Variants in DRC11 observed in about 807,000 individuals in gnomAD.
The protein encoded by DRC11 is dynein regulatory complex subunit 11.
the DRC11 span, among the ~76,000 whole-genome samples, chr2:236,361,031 G>A: frequency 2.0e-5 from 3 of 152,150 alleles, no homozygotes; most frequent in Admixed American, 2.0e-4. This position sits in a 1 kb window ranked among gnomAD's most constrained non-coding sequence, Gnocchi z 5.7. Context: ...GTGACACATG[G>A]TCAAGGGAAA....
the DRC11 span, chr2:236,324,477 T>C: frequency 2.2e-6 from 1 of 455,346 alleles, no homozygotes; most frequent in Non-Finnish European, 4.0e-6. This position sits in a 1 kb window ranked among gnomAD's most constrained non-coding sequence, Gnocchi z 5.7. Context: ...GTGTCCAGCC[T>C]GGGAAAGGCA....
the DRC11 span, among the ~76,000 whole-genome samples, chr2:236,451,843 C>T: frequency 2.0e-5 from 3 of 152,146 alleles, no homozygotes; most frequent in Admixed American, 6.5e-5. Flanking sequence ...GGCAAATCAT[C>T]GTATCACAGT....
the DRC11 span, among the ~76,000 whole-genome samples, chr2:236,335,612 C>G: frequency 6.6e-6 from 1 of 152,180 alleles, no homozygotes; most frequent in African/African-American, 2.4e-5. The surrounding 1 kb of genome is among the most constrained non-coding windows in gnomAD (Gnocchi z 5.6). Flanking sequence ...GACCATCCAT[C>G]AATAGCTTCA....
At chr2:236,368,397 T>A in the DRC11 span, 1 of 664,526 alleles carries the variant, frequency 1.5e-6, no homozygotes, top group Non-Finnish European at 2.7e-6. Flanking sequence ...AGAATACAAA[T>A]TGAACATTTC....
the DRC11 span, among the ~76,000 whole-genome samples, chr2:236,443,458 C>T: frequency 1.4e-4 from 22 of 152,304 alleles, no homozygotes; most frequent in South Asian, 3.1e-3. The surrounding 1 kb of genome is among the most constrained non-coding windows in gnomAD (Gnocchi z 4.4). Context: ...TGTTCAGCTC[C>T]CACATATAAG....
the DRC11 span, among the ~76,000 whole-genome samples, chr2:236,411,634 T>A: frequency 2.7e-5 from 4 of 146,944 alleles, no homozygotes; most frequent in Admixed American, 6.8e-5. Flanking sequence ...TAGCAAAGAC[T>A]TGGAACCAAC....
the DRC11 span, among the ~76,000 whole-genome samples, chr2:236,379,325 G>C: frequency 6.9e-6 from 1 of 145,520 alleles, no homozygotes; most frequent in Admixed American, 6.7e-5. Context: ...ACAGGACCAA[G>C]GGGAGGGAAC....
At chr2:236,409,035 C>A in the DRC11 span, 1 of 625,244 alleles carries the variant, frequency 1.6e-6, no homozygotes, top group South Asian at 1.8e-5. Flanking sequence ...GGCAGGAAGC[C>A]GAGGGACCCA....
the DRC11 span, among the ~76,000 whole-genome samples, chr2:236,388,080 T>C: frequency 6.6e-6 from 1 of 152,220 alleles, no homozygotes; most frequent in Non-Finnish European, 1.5e-5. Context: ...CCTTTCTCTC[T>C]GGCTGCCCTT....
chr2:236,374,714 G>A, the DRC11 span, among the ~76,000 whole-genome samples: 2 of 152,038 alleles, frequency 1.3e-5, no homozygotes, highest in East Asian at 1.9e-4. Flanking sequence ...TTTTGAGATG[G>A]TGTTTCGCTC....
At chr2:236,354,242 G>GTGTGCACATGTGTGCGTGTGCGTTA in the DRC11 span, among the ~76,000 whole-genome samples, 10 of 55,096 alleles carry the variant, frequency 1.8e-4, no homozygotes, top group East Asian at 5.6e-4. Context: ...GTTAGTATGA[G>GTGTGCACATGTGTGCGTGTGCGTTA]GTATGTTAGT....
the DRC11 span, among the ~76,000 whole-genome samples, chr2:236,419,922 T>C: frequency 6.6e-6 from 1 of 152,182 alleles, no homozygotes; most frequent in Non-Finnish European, 1.5e-5. This position sits in a 1 kb window ranked among gnomAD's most constrained non-coding sequence, Gnocchi z 4.8. Flanking sequence ...CTCACTGCCA[T>C]AGAGAGCTGT....
At chr2:236,476,928 T>C in the DRC11 span, among the ~76,000 whole-genome samples, 33 of 152,238 alleles carry the variant, frequency 2.2e-4, no homozygotes, top group African/African-American at 7.0e-4. This position sits in a 1 kb window ranked among gnomAD's most constrained non-coding sequence, Gnocchi z 4.7. Flanking sequence ...CAGGCCCCGG[T>C]GTGTGTTGTT....
chr2:236,359,526 G>T, the DRC11 span, among the ~76,000 whole-genome samples: 8 of 152,216 alleles, frequency 5.3e-5, no homozygotes, highest in Non-Finnish European at 1.5e-5. The surrounding 1 kb of genome is among the most constrained non-coding windows in gnomAD (Gnocchi z 4.3). Flanking sequence ...TTGGTAACAG[G>T]ACTTCTCTCT....
chr2:236,320,450 T>C, the DRC11 span, among the ~76,000 whole-genome samples: 1 of 152,144 alleles, frequency 6.6e-6, no homozygotes, highest in South Asian at 2.1e-4. Context: ...TCATATTAAA[T>C]GTGGATATGC....
At chr2:236,460,599 A>T in the DRC11 span, among the ~76,000 whole-genome samples, 7 of 152,156 alleles carry the variant, frequency 4.6e-5, no homozygotes, top group Non-Finnish European at 2.9e-5. This position sits in a 1 kb window ranked among gnomAD's most constrained non-coding sequence, Gnocchi z 4.0. Flanking sequence ...GAGGGTTTCT[A>T]TTATAAAAAT....
chr2:236,437,436 T>C, the DRC11 span, among the ~76,000 whole-genome samples: 1 of 151,612 alleles, frequency 6.6e-6, no homozygotes, highest in East Asian at 1.9e-4. Context: ...GCATGATTTA[T>C]AGTCCTTTGG....
At chr2:236,368,858 T>G in the DRC11 span, 1 of 152,598 alleles carries the variant, frequency 6.6e-6, no homozygotes, top group Non-Finnish European at 1.5e-5. Flanking sequence ...ATTTTTATCA[T>G]TTTTAAGAGA....
the DRC11 span, chr2:236,413,000 G>C: frequency 6.6e-6 from 1 of 152,172 alleles, no homozygotes; most frequent in Admixed American, 6.5e-5. Context: ...GGGGAGATGT[G>C]GGCAGACTTG....
Sources: gnomAD v4.1 joint callset for allele counts (sites outside exome capture counted in the v4.1 genomes callset) on GRCh38, gnomAD v4.1.1 for gene constraint, Gnocchi (gnomAD v3.1) non-coding constraint, MANE v1.5 for transcripts, NCBI Gene and HGNC (gene_info 2026-07-23, HGNC 2026-07-21) for gene names.